Variants in NOMO3 observed in about 807,000 individuals in gnomAD.
The protein encoded by NOMO3 is NODAL modulator 3.
In NOMO3, 15 loss-of-function variants were observed where a neutral mutation model predicts 69.9. The ratio of observed to expected loss-of-function variants is 0.21; its 90% CI spans 0.14 to 0.33. NOMO3 has a LOEUF of 0.33. Ranked by LOEUF, NOMO3 falls within the 10% of genes least tolerant of loss-of-function variation. The pLI, the probability that NOMO3 is intolerant of heterozygous loss-of-function variation, is 1.00. For missense variants in NOMO3, 218 were observed against 761.0 expected (o/e 0.29, Z 8.39); for synonymous variants, 89 against 301.9 (o/e 0.29, Z 7.31).
At chr16:16,248,395 C>CTTTTTTTTT (rs1243080622) in intron 6 of NOMO3, among the ~76,000 whole-genome samples, 1 of 65,308 alleles carries the variant, frequency 1.5e-5, no homozygotes, top group Admixed American at 1.5e-4. Context: ...CAGATACAGT[C>CTTTTTTTTT]TTTTTTTTTT....
chr16:16,252,236 T>A, intron 8 of NOMO3, 136 bp downstream of exon 8: 2 of 1,553,816 alleles, frequency 1.3e-6, no homozygotes, highest in Non-Finnish European at 1.7e-6. Flanking sequence ...GTAACTTACT[T>A]AAGATGAGAC....
At chr16:16,258,086 T>C (rs1467852962) in intron 11 of NOMO3, among the ~76,000 whole-genome samples, 3 of 142,230 alleles carry the variant, frequency 2.1e-5, no homozygotes, top group Admixed American at 1.4e-4. Flanking sequence ...GAGGCAGAGG[T>C]GGGCGGATCG....
chr16:16,240,856 C>T (rs1277737568), intron 3 of NOMO3, among the ~76,000 whole-genome samples: 3 of 142,762 alleles, frequency 2.1e-5, no homozygotes, highest in Non-Finnish European at 3.0e-5. Context: ...GTGAGAGCAG[C>T]TCTTTTATCA....
chr16:16,232,577 C>A lies in NOMO3; in HGVS notation c.-90C>A. The A allele has an allele frequency of 5.5e-6, 6 of 1,099,386 alleles. No homozygotes were observed. Among genetic ancestry groups the A allele is most frequent in the Non-Finnish European group, 7.0e-6 (6 of 862,002 alleles). The allele number at this position is 1,099,386 out of a possible 1,614,324, so 68.1% of individuals were successfully genotyped here. On this transcript the variant is annotated 5_prime_UTR_variant, in exon 1 of 31. Transcript: ENST00000399336. ...GTGGGGCGGGGCCTGGGCTGTCAGCCGGCCTAGGAGGAGGAAGGAGCCTGC... is the reference window on the plus strand; with the variant it reads ...GTGGGGCGGGGCCTGGGCTGTCAGCAGGCCTAGGAGGAGGAAGGAGCCTGC...
chr16:16,239,339 A>G (rs1187498541), intron 2 of NOMO3, among the ~76,000 whole-genome samples: 1 of 142,874 alleles, frequency 7.0e-6, no homozygotes, highest in Non-Finnish European at 1.5e-5. Context: ...CATTTTTTGT[A>G]CAGATGGGGT....
intron 11 of NOMO3, among the ~76,000 whole-genome samples, chr16:16,259,012 A>G (rs9933569): frequency 0.23 from 32,007 of 139,274 alleles, 6,067 homozygotes; most frequent in African/African-American, 0.28. Flanking sequence ...TGAGGCAGTC[A>G]TGGTTGTCTG....
rs1282424996 is a variant in NOMO3, at chr16:16,269,304, G to C, written c.1895-817G>C. 2.1e-5 allele frequency among the ~76,000 whole-genome samples: 3 copies of C among 142,428 alleles called. 1 individual carries two copies. Among genetic ancestry groups the C allele is most frequent in the Non-Finnish European group, 4.4e-5 (3 of 67,612 alleles). 93.4% of individuals were successfully genotyped at this position (142,428 alleles called of 152,430 possible). On this transcript the variant is annotated intron_variant, in intron 16 of 30. Transcript: ENST00000399336. ...CTCTGTGGATGGTAAACTCCATGAA[G>C]ACAGGGACCACTGCTCTGTCATTCC...
At chr16:16,241,184 C>T (rs1341337866) in intron 3 of NOMO3, among the ~76,000 whole-genome samples, 1 of 144,974 alleles carries the variant, frequency 6.9e-6, no homozygotes, top group Non-Finnish European at 1.5e-5. Flanking sequence ...TCCCGCCCCA[C>T]CCTCCAGGTG....
rs894239428 is a variant in NOMO3, at chr16:16,250,182, G to A, written c.583-746G>A. 2.8e-5 allele frequency among the ~76,000 whole-genome samples: 4 copies of A among 142,360 alleles called. 2 individuals carry two copies. The highest frequency in any genetic ancestry group is 5.7e-5 in the African/African-American group (2 of 34,994). The allele number at this position is 142,360 out of a possible 152,430, so 93.4% of individuals were successfully genotyped here. A position where few individuals can be genotyped will look rare whatever the true frequency, so the allele number is the denominator to read the frequency against. On this transcript the variant is annotated intron_variant, in intron 6 of 30. Coordinates refer to ENST00000399336, the MANE Select transcript of NOMO3 (RefSeq NM_001004067.4). The stretch of plus-strand genomic sequence containing the variant: ...ACATGGTTTGAACAGTTGGCTGCCT[G>A]TGAGTAGTTGAAGGGTGGCTGCTTG...
At chr16:16,268,284 G>A (rs3867547) in intron 16 of NOMO3, among the ~76,000 whole-genome samples, 3 of 145,934 alleles carry the variant, frequency 2.1e-5, no homozygotes, top group Admixed American at 1.3e-4. Context: ...TGTGTGATAA[G>A]TTTATGTTTA....
chr16:16,237,274 G>T (rs1479661031), intron 2 of NOMO3, among the ~76,000 whole-genome samples: 1 of 144,458 alleles, frequency 6.9e-6, no homozygotes, highest in East Asian at 2.2e-4. Context: ...GTGGCCAGGC[G>T]TGGAGCTAAA....
rs775586725 is a variant in NOMO3, at chr16:16,263,264, C to T, written c.1537+49C>T. ...AACACATAGTTTCAAAGAAGTCAGC[C>T]GGTAGGAGTGGGATTTGGGAAACTT... On this transcript the variant is annotated intron_variant, in intron 13 of 30. Transcript: ENST00000399336. The T allele has an allele frequency of 2.5e-5, 40 of 1,595,084 alleles. 4 individuals carry two copies. The highest frequency in any genetic ancestry group is 1.5e-4 in the African/African-American group (10 of 65,964).
At chr16:16,238,234 C>CTTTTT (rs539081532) in intron 2 of NOMO3, among the ~76,000 whole-genome samples, 2 of 122,496 alleles carry the variant, frequency 1.6e-5, no homozygotes, top group African/African-American at 3.6e-5. Context: ...GATCTACTGA[C>CTTTTT]TTTTTTTTTT....
intron 6 of NOMO3, among the ~76,000 whole-genome samples, chr16:16,249,694 T>C (rs1371825248): frequency 1.4e-5 from 2 of 144,032 alleles, no homozygotes; most frequent in Non-Finnish European, 3.0e-5. Context: ...GAATCTGAGT[T>C]TATTAATATG....
rs1179800040 is a variant in NOMO3 at position 16,232,725 on chromosome 16, T to G, written c.59T>G (p.Val20Gly). The G allele has an allele frequency of 1.4e-6, 1 of 740,432 alleles. No individual in the cohort carries two copies. Among genetic ancestry groups the G allele is most frequent in the Non-Finnish European group, 1.8e-6 (1 of 553,594 alleles). The allele number at this position is 740,432 out of a possible 1,614,324, so 45.9% of individuals were successfully genotyped here. The change falls in exon 1 of 31, where the codon GTG becomes GGG. Residue 20 changes from valine (V) to glycine (G), a missense_variant. By Grantham distance (109) the Val-to-Gly change is moderately radical. Transcript: ENST00000399336. ...LGPAVVTAAV[V>G]LLLSGVGPAH... ...CCCGCGGTGGTCACCGCCGCGGTGG[T>G]GCTGCTGCTGAGCGGCGTGGGGCCG... is the stretch of plus-strand genomic sequence containing the variant.
chr16:16,255,790 C>G lies in NOMO3; in HGVS notation c.1034C>G (p.Pro345Arg). The change falls in exon 10 of 31, where the codon CCA (proline) becomes CGA (arginine). Residue 345 changes from proline (P) to arginine (R), a missense_variant. Physicochemically the swap from Pro to Arg is moderately radical, Grantham distance 103. Transcript: ENST00000399336. ...AACGGACCCGAAGGAGATGGTGTTC[C>G]AGAAGCAGTAGTCACCCTGAATAAC... ...VLNGPEGDGV[P>R]EAVVTLNNQI... 6.4e-7 allele frequency: 1 copy of G among 1,570,634 alleles called. No homozygotes were observed. Among genetic ancestry groups the G allele is most frequent in the Non-Finnish European group, 8.6e-7 (1 of 1,168,308 alleles).
At chr16:16,251,842 T>C in intron 7 of NOMO3, 121 bp from the exon 8 acceptor site, 1 of 1,292,480 alleles carries the variant, frequency 7.7e-7, no homozygotes, top group Non-Finnish European at 1.0e-6. Flanking sequence ...GTTTCTTAGA[T>C]TTCAGAAATA....
intron 1 of NOMO3, among the ~76,000 whole-genome samples, chr16:16,234,852 C>CTT (rs2049314074): frequency 6.6e-6 from 1 of 151,954 alleles, no homozygotes; most frequent in Admixed American, 6.6e-5. Context: ...GTTGCTAATA[C>CTT]TTTAACAATC....
In NOMO3 at chr16:16,241,427, C is replaced by CT. The variant is rs947777881; in HGVS notation, c.301+1539dup. Among the ~76,000 whole-genome samples the CT allele has an allele frequency of 3.4e-4, 48 of 139,966 alleles. 5 individuals are homozygous for CT. Among genetic ancestry groups the CT allele is most frequent in the African/African-American group, 1.4e-3 (48 of 34,402 alleles). 91.8% of individuals were successfully genotyped at this position (139,966 alleles called of 152,430 possible). ...TACTTATATTTTATTTTATTTTTTT[C>CT]TTTTTTTTGAGACTGAGTCTCGCTC... is the stretch of plus-strand genomic sequence containing the variant. On this transcript the variant is annotated intron_variant, in intron 3 of 30. Transcript: ENST00000399336.
Sources: allele counts gnomAD v4.1 joint callset (sites outside exome capture counted in the v4.1 genomes callset), GRCh38; gene constraint gnomAD v4.1.1; transcripts MANE v1.5; gene names NCBI Gene and HGNC (gene_info 2026-07-23, HGNC 2026-07-21).